ZC3H13: variants seen among roughly 807,000 people sequenced by gnomAD.
ZC3H13 encodes the protein zinc finger CCCH-type containing 13.
In ZC3H13, 64 loss-of-function variants were observed where a neutral mutation model predicts 204.1. The observed-to-expected ratio is 0.31, with a 90% CI of 0.26 to 0.39. ZC3H13 has a LOEUF of 0.39. ZC3H13 is among the 10% of genes least tolerant of loss of function. The pLI is 1.00. For missense variants in ZC3H13, 1,833 were observed against 2,082.7 expected, an observed-to-expected ratio of 0.88 and a Z score of 2.33; for synonymous variants, 667 against 693.7, an observed-to-expected ratio of 0.96 and a Z score of 0.60.
intron 17 of ZC3H13, among the ~76,000 whole-genome samples, chr13:45,960,208 C>T (rs1232920640): frequency 2.6e-5 from 4 of 151,994 alleles, no homozygotes; most frequent in South Asian, 2.1e-4. Flanking sequence ...CTGCCTGCCT[C>T]GGCCTCCCAA....
chr13:45,999,442 T>C (rs765894519), intron 8 of ZC3H13, among the ~76,000 whole-genome samples: 3 of 152,188 alleles, frequency 2.0e-5, no homozygotes, highest in Non-Finnish European at 4.4e-5. Flanking sequence ...TCACCAGGAG[T>C]AGACTCCATC....
intron 7 of ZC3H13, among the ~76,000 whole-genome samples, chr13:46,007,727 T>C (rs2404728): frequency 0.75 from 114,042 of 152,108 alleles, 43,247 homozygotes; most frequent in African/African-American, 0.85. Flanking sequence ...ATTTAAAAAG[T>C]CAACTAATTG....
intron 7 of ZC3H13, among the ~76,000 whole-genome samples, chr13:46,004,153 T>TGC (rs2040952318): frequency 6.6e-6 from 1 of 152,010 alleles, no homozygotes; most frequent in Non-Finnish European, 1.5e-5. Flanking sequence ...TGTGTGTGTG[T>TGC]GTGTGTGTCA....
In ZC3H13 at chr13:45,957,217, C is replaced by T. The variant is rs1593423560; in HGVS notation, c.4920G>A (p.Arg1640=). ...LLRLSLRLFK[R]KTTCHAPGHE... ...GTCCTGGAGCATGGCAAGTAGTCTT[C>T]CGCTTAAATAACCGAAGACTCAATC... The change falls in exon 19 of 19, where the codon CGG becomes CGA. Residue 1640 remains arginine (R), a synonymous_variant. Coordinates refer to ENST00000679008, the MANE Select transcript of ZC3H13 (RefSeq NM_001330564.2). The T allele has an allele frequency of 6.5e-7, 1 of 1,548,918 alleles. No individual in the cohort carries two copies. Among genetic ancestry groups the T allele is most frequent in the African/African-American group, 1.4e-5 (1 of 73,128 alleles).
At chr13:46,052,209 T>C (rs1374729634) in intron 1 of ZC3H13, among the ~76,000 whole-genome samples, 195 bp downstream of exon 1, 1 of 151,640 alleles carries the variant, frequency 6.6e-6, no homozygotes, top group African/African-American at 2.4e-5. Flanking sequence ...CTTAGACAAA[T>C]GCCAGAATCA....
chr13:45,979,555 G>A (rs1008743385), intron 11 of ZC3H13, among the ~76,000 whole-genome samples: 1 of 152,056 alleles, frequency 6.6e-6, no homozygotes, highest in African/African-American at 2.4e-5. Flanking sequence ...AGCTATTTGG[G>A]TAAGATGAGA....
At chr13:46,040,974 G>A (rs1457141001) in intron 4 of ZC3H13, among the ~76,000 whole-genome samples, 1 of 152,082 alleles carries the variant, frequency 6.6e-6, no homozygotes, top group African/African-American at 2.4e-5. Context: ...ACTTTCATAT[G>A]CTGTCAACAA....
intron 11 of ZC3H13, 35 bp downstream of exon 11, chr13:45,979,778 T>C (rs1349269263): frequency 2.0e-6 from 3 of 1,517,754 alleles, no homozygotes; most frequent in South Asian, 2.6e-5. Context: ...CCAATTGATA[T>C]TGTTCACTAT....
intron 1 of ZC3H13, among the ~76,000 whole-genome samples, chr13:46,050,235 GAAT>G (rs1291136771): frequency 1.3e-5 from 2 of 152,140 alleles, no homozygotes; most frequent in East Asian, 3.9e-4. Context: ...GAGAAACTTA[GAAT>G]AACACTGTAC....
chr13:46,017,459 G>A (rs9526130), intron 5 of ZC3H13, among the ~76,000 whole-genome samples: 14,744 of 151,750 alleles, frequency 0.097, 888 homozygotes, highest in East Asian at 0.29. Context: ...AAAACAATTT[G>A]CAAAATGATG....
intron 5 of ZC3H13, among the ~76,000 whole-genome samples, chr13:46,019,568 T>G (rs1410324045): frequency 6.6e-6 from 1 of 152,158 alleles, no homozygotes; most frequent in Non-Finnish European, 1.5e-5. Context: ...CAAATACAAG[T>G]TCTCTTTCTC....
chr13:45,974,773 T>C (rs953778884), intron 12 of ZC3H13, among the ~76,000 whole-genome samples: 5 of 152,188 alleles, frequency 3.3e-5, no homozygotes, highest in African/African-American at 7.2e-5. Context: ...CCTTGGTGAC[T>C]AGTCTAGGGG....
intron 11 of ZC3H13, among the ~76,000 whole-genome samples, chr13:45,978,123 T>A (rs1407656366): frequency 1.3e-5 from 2 of 152,168 alleles, no homozygotes; most frequent in Non-Finnish European, 2.9e-5. Context: ...TGTCACTTCT[T>A]TAGGCAGCTT....
intron 4 of ZC3H13, 43 bp downstream of exon 4, chr13:46,042,121 T>G: frequency 7.0e-7 from 1 of 1,436,836 alleles, no homozygotes. Context: ...AATTAACAAA[T>G]CACTACTGAA....
Position 45,957,026 on chromosome 13 carries a change from T to C in ZC3H13, c.*101A>G. 1 of 1,079,606 alleles carries C rather than the reference T, an allele frequency of 9.3e-7. No individual in the cohort carries two copies. The highest frequency in any genetic ancestry group is 3.1e-5 in the East Asian group (1 of 32,690). The allele number at this position is 1,079,606 out of a possible 1,614,324, so 66.9% of individuals were successfully genotyped here. On this transcript the variant is annotated 3_prime_UTR_variant, in exon 19 of 19. Transcript: ENST00000679008. Reference sequence around the variant, plus strand: ...CTTTTAGCATGGCTGATAAATCTTTTCTGCCTTTGTCACTAATGCTTGTCA... The same window carrying C: ...CTTTTAGCATGGCTGATAAATCTTTCCTGCCTTTGTCACTAATGCTTGTCA...
chr13:46,049,303 T>C lies in ZC3H13; in HGVS notation c.-10+3101A>G, dbSNP rs200069050. Among the ~76,000 whole-genome samples the C allele has an allele frequency of 3.9e-3, 595 of 151,544 alleles. 11 individuals carry two copies. Among genetic ancestry groups the C allele is most frequent in the Non-Finnish European group, 2.6e-3 (179 of 67,852 alleles). ...AAAACAAGAATAATGACAACAATAA[T>C]ACACACACACATATTCTTAATAAAA... is the stretch of plus-strand genomic sequence containing the variant. On this transcript the variant is annotated intron_variant, in intron 1 of 18. Transcript: ENST00000679008.
intron 4 of ZC3H13, among the ~76,000 whole-genome samples, chr13:46,037,574 A>G (rs2043288860): frequency 6.6e-6 from 1 of 152,356 alleles, no homozygotes; most frequent in Admixed American, 6.5e-5. Flanking sequence ...ATGAAAATAC[A>G]ATTCCATTTT....
chr13:46,017,828 A>G (rs2042002806), intron 5 of ZC3H13, among the ~76,000 whole-genome samples: 2 of 152,120 alleles, frequency 1.3e-5, no homozygotes, highest in East Asian at 1.9e-4. Flanking sequence ...ACTTAACTCA[A>G]TGCTTCAATA....
intron 1 of ZC3H13, among the ~76,000 whole-genome samples, chr13:46,047,585 T>C (rs908940243): frequency 2.8e-5 from 4 of 142,756 alleles, no homozygotes; most frequent in African/African-American, 1.1e-4. Flanking sequence ...CTATGTCTAT[T>C]TGATTTACTG....
Sources: gnomAD v4.1 joint callset for allele counts (sites outside exome capture counted in the v4.1 genomes callset) on GRCh38, gnomAD v4.1.1 for gene constraint, MANE v1.5 for transcripts, NCBI Gene and HGNC (gene_info 2026-07-23, HGNC 2026-07-21) for gene names.